The following ADAMTS3 variants were observed in gnomAD, a reference collection of about 807,000 sequenced individuals.
ADAMTS3 encodes ADAM metallopeptidase with thrombospondin type 1 motif 3, also known as A disintegrin and metalloproteinase with thrombospondin motifs 3.
ADAMTS3 carries 73 observed loss-of-function variants against 129.0 expected under a neutral mutation model. The observed-to-expected ratio is 0.57, with a 90% CI of 0.47 to 0.69. The LOEUF (loss-of-function observed/expected upper bound fraction) is 0.69, where lower values mean the gene tolerates loss of function less well. Ranked by LOEUF, ADAMTS3 falls within the 30% of genes least tolerant of loss-of-function variation. The probability of loss-of-function intolerance (pLI) is 0.00; values close to 1 mark genes in which losing one functional copy is unlikely to be tolerated. For missense variants in ADAMTS3, 1,457 were observed against 1,514.5 expected (o/e 0.96, Z 0.63); for synonymous variants, 477 against 510.8 (o/e 0.93, Z 0.89).
Position 72,449,532 on chromosome 4 carries a change from G to A in ADAMTS3, c.505-34561C>T, listed in dbSNP as rs1718339326. Among the ~76,000 whole-genome samples, 3 of 151,572 alleles carry A rather than the reference G, an allele frequency of 2.0e-5. No individual in the cohort carries two copies. In the South Asian group the frequency reaches 6.2e-4, roughly 31 times the overall value. On this transcript the variant is annotated intron_variant, in intron 3 of 21. Transcript: ENST00000286657. ...TCCTTCCAGCTTTCTTATTACTATT[G>A]TAGTCCAAGCCACCATCACACCTCA...
intron 4 of ADAMTS3, among the ~76,000 whole-genome samples, chr4:72,361,858 T>A (rs937590651): frequency 1.3e-5 from 2 of 152,104 alleles, no homozygotes; most frequent in African/African-American, 2.4e-5. Flanking sequence ...CTACATAAAT[T>A]ACAATTATTA....
chr4:72,531,909 A>G (rs185908712), intron 3 of ADAMTS3, among the ~76,000 whole-genome samples: 13 of 152,264 alleles, frequency 8.5e-5, no homozygotes, highest in Non-Finnish European at 1.6e-4. Flanking sequence ...TGTGCCTACA[A>G]AGAACACATA....
At chr4:72,334,408 C>T (rs12504695) in intron 5 of ADAMTS3, among the ~76,000 whole-genome samples, 85,504 of 151,932 alleles carry the variant, frequency 0.56, 28,038 homozygotes, top group Non-Finnish European at 0.75. Flanking sequence ...ACGGCAGACA[C>T]TTTTGGATAT....
chr4:72,313,616 A>G (rs1719304337), intron 12 of ADAMTS3, 61 bp downstream of exon 12: 1 of 1,543,830 alleles, frequency 6.5e-7, no homozygotes. Flanking sequence ...TACTAATAAC[A>G]TAATATTGAA....
intron 3 of ADAMTS3, among the ~76,000 whole-genome samples, chr4:72,536,311 C>A (rs1721184347): frequency 1.3e-5 from 2 of 152,074 alleles, no homozygotes; most frequent in African/African-American, 4.8e-5. Context: ...GTTAAAGGAG[C>A]CATACATGAC....
chr4:72,311,753 GA>G lies in ADAMTS3; in HGVS notation c.1921+537del, dbSNP rs1223018312. Among the ~76,000 whole-genome samples, 3 of 152,114 alleles carry G rather than the reference GA, an allele frequency of 2.0e-5. No individual in the cohort carries two copies. The East Asian group carries it at 5.8e-4, about 29-fold the overall frequency. On this transcript the variant is annotated intron_variant, in intron 13 of 21. Coordinates refer to ENST00000286657, the MANE Select transcript of ADAMTS3 (RefSeq NM_014243.3). ...TATTTCCTTTCATTCACTCAAATAA[GA>G]AGTATGGCAAAAAGTTGCCATTGGA...
intron 3 of ADAMTS3, among the ~76,000 whole-genome samples, chr4:72,490,262 A>T (rs1024623499): frequency 2.0e-5 from 3 of 151,856 alleles, no homozygotes; most frequent in African/African-American, 7.2e-5. Context: ...TTAACCCTTT[A>T]TAGGATATAT....
At chr4:72,319,786 A>T (rs1719504514) in intron 8 of ADAMTS3, 72 bp downstream of exon 8, 1 of 1,263,816 alleles carries the variant, frequency 7.9e-7, no homozygotes, top group Non-Finnish European at 1.1e-6. Context: ...CTGCCCAAAG[A>T]GGAAACAATA....
intron 4 of ADAMTS3, among the ~76,000 whole-genome samples, chr4:72,351,461 T>C (rs952907747): frequency 2.0e-5 from 3 of 151,702 alleles, no homozygotes; most frequent in Non-Finnish European, 4.4e-5. Context: ...AATGTACTTT[T>C]ATGACACATT....
At chr4:72,371,238 C>T (rs1720997321) in intron 4 of ADAMTS3, among the ~76,000 whole-genome samples, 1 of 151,992 alleles carries the variant, frequency 6.6e-6, no homozygotes, top group African/African-American at 2.4e-5. Flanking sequence ...GTTGGTGGTA[C>T]TTTGTTATGG....
intron 17 of ADAMTS3, among the ~76,000 whole-genome samples, chr4:72,299,687 AT>A (rs930409240): frequency 2.6e-5 from 4 of 152,134 alleles, no homozygotes; most frequent in African/African-American, 9.7e-5. Context: ...GATGGGAAAA[AT>A]ATCATGATTT....
intron 3 of ADAMTS3, among the ~76,000 whole-genome samples, chr4:72,435,552 T>TTTA (rs1269245319): frequency 1.3e-5 from 2 of 151,888 alleles, no homozygotes; most frequent in Non-Finnish European, 2.9e-5. Flanking sequence ...TATGAATAGT[T>TTTA]TTATTAGCTC....
At chr4:72,567,558 G>T (rs1722048000) in intron 1 of ADAMTS3, among the ~76,000 whole-genome samples, 157 bp from the exon 2 acceptor site, 1 of 152,190 alleles carries the variant, frequency 6.6e-6, no homozygotes, top group South Asian at 2.1e-4. Flanking sequence ...TTGGTTTGTA[G>T]AAGGTTCCAT....
chr4:72,418,202 G>A (rs1055032406), intron 3 of ADAMTS3, among the ~76,000 whole-genome samples: 3 of 151,806 alleles, frequency 2.0e-5, no homozygotes, highest in Non-Finnish European at 2.9e-5. Flanking sequence ...TTTTTCACTC[G>A]AAATTATCTA....
Position 72,290,864 on chromosome 4 carries a change from G to C in ADAMTS3, c.2922C>G (p.Pro974=). The C allele has an allele frequency of 6.2e-7, 1 of 1,613,774 alleles. No individual in the cohort carries two copies. The highest frequency in any genetic ancestry group is 8.5e-7 in the Non-Finnish European group (1 of 1,179,856). The change falls in exon 20 of 22, where the codon CCC becomes CCG. Residue 974 remains proline, a synonymous_variant. Transcript: ENST00000286657. The stretch of plus-strand genomic sequence containing the variant: ...GAATTCACACACCTACCTCACTCCA[G>C]GGTCCTGTTTTCCACTGTGCAGGGC... The part of the protein sequence containing the change: ...VPCPAQWKTG[P]WSECSVTCGE...
intron 3 of ADAMTS3, among the ~76,000 whole-genome samples, chr4:72,496,191 C>A (rs1719869395): frequency 1.3e-5 from 2 of 152,170 alleles, no homozygotes; most frequent in Non-Finnish European, 2.9e-5. Context: ...GCAAAATAAG[C>A]AGATAAAATC....
chr4:72,477,499 A>C (rs949769078), intron 3 of ADAMTS3, among the ~76,000 whole-genome samples: 14 of 152,058 alleles, frequency 9.2e-5, no homozygotes, highest in Admixed American at 4.6e-4. Flanking sequence ...CCAACGAGAA[A>C]AAAGACACAA....
chr4:72,314,483 C>CTT (rs1378662151), intron 11 of ADAMTS3, among the ~76,000 whole-genome samples: 4 of 152,136 alleles, frequency 2.6e-5, no homozygotes, highest in Non-Finnish European at 5.9e-5. Context: ...CTTACAGTGC[C>CTT]TGGCATGGTG....
At chr4:72,485,921 A>G (rs1719579256) in intron 3 of ADAMTS3, among the ~76,000 whole-genome samples, 1 of 152,212 alleles carries the variant, frequency 6.6e-6, no homozygotes, top group African/African-American at 2.4e-5. Flanking sequence ...AACAAGTGCT[A>G]TCTTTGAAGC....
Sources: allele counts gnomAD v4.1 joint callset (sites outside exome capture counted in the v4.1 genomes callset), GRCh38; gene constraint gnomAD v4.1.1; transcripts MANE v1.5; gene names NCBI Gene and HGNC (gene_info 2026-07-23, HGNC 2026-07-21).